ST8SIA5: variants seen among roughly 807,000 people sequenced by gnomAD.
The protein encoded by ST8SIA5 is ST8 alpha-N-acetyl-neuraminide alpha-2,8-sialyltransferase 5.
A neutral mutation model predicts 40.2 loss-of-function variants in ST8SIA5; 24 were observed. That is an observed-to-expected ratio of 0.60 (90% CI 0.43 to 0.84). The LOEUF is 0.84. ST8SIA5 is among the 40% of genes least tolerant of loss of function. The pLI, the probability that ST8SIA5 is intolerant of heterozygous loss-of-function variation, is 0.00. For synonymous variants in ST8SIA5, 198 were observed against 201.8 expected (o/e 0.98, Z 0.16); for missense variants, 465 against 498.5 (o/e 0.93, Z 0.64).
intron 3 of ST8SIA5, 25 bp downstream of exon 3, chr18:46,692,144 G>A (rs201676466): frequency 5.1e-5 from 83 of 1,611,852 alleles, no homozygotes; most frequent in Middle Eastern, 1.6e-4. Context: ...ACAAGGAGAA[G>A]GGAGGACAGA....
chr18:46,726,015 G>GATATAT (rs530130795), intron 1 of ST8SIA5, among the ~76,000 whole-genome samples: 1 of 31,114 alleles, frequency 3.2e-5, no homozygotes, highest in Non-Finnish European at 5.5e-5. Context: ...ATATATCCTG[G>GATATAT]ATATATATAT....
rs1489173100 is a variant in ST8SIA5 at position 46,679,320 on chromosome 18, ATG to A, written c.*720_*721del. 2 of 152,222 alleles carry A rather than the reference ATG, an allele frequency of 1.3e-5. No homozygotes were observed. Among genetic ancestry groups the A allele is most frequent in the African/African-American group, 4.8e-5 (2 of 41,404 alleles). The allele number at this position is 152,222 out of a possible 1,614,324, so 9.4% of individuals were successfully genotyped here. Reference sequence around the variant, plus strand: ...TTGAACCTGGGGGCACCAAGACCGCATGTGTGTCCGAGGATGTGTCTGAAAGG... The same window carrying A: ...TTGAACCTGGGGGCACCAAGACCGCATGTGTCCGAGGATGTGTCTGAAAGG... On this transcript the variant is annotated 3_prime_UTR_variant, in exon 7 of 7. Coordinates refer to ENST00000315087, the MANE Select transcript of ST8SIA5 (RefSeq NM_013305.6).
intron 1 of ST8SIA5, among the ~76,000 whole-genome samples, chr18:46,725,529 AATGGC>A (rs2039908555): frequency 6.8e-6 from 1 of 147,924 alleles, no homozygotes; most frequent in South Asian, 2.1e-4. Context: ...CTCATTATTA[AATGGC>A]ACGGGTGGGG....
In ST8SIA5 at chr18:46,669,797, C is replaced by A. The variant is rs1468175277; in HGVS notation, c.*10245G>T. Reference sequence around the variant, plus strand: ...GTTCAAAAGAGTGAGTTTGGCCGGGCACGGTGGCCCACACCTATAATCCCA... The same window carrying A: ...GTTCAAAAGAGTGAGTTTGGCCGGGAACGGTGGCCCACACCTATAATCCCA... On this transcript the variant is annotated 3_prime_UTR_variant, in exon 7 of 7. Transcript: ENST00000315087. 1 of 152,184 alleles carries A rather than the reference C, an allele frequency of 6.6e-6. No homozygotes were observed. The highest frequency in any genetic ancestry group is 1.5e-5 in the Non-Finnish European group (1 of 68,064). 9.4% of individuals were successfully genotyped at this position (152,184 alleles called of 1,614,324 possible).
chr18:46,724,899 CG>C, intron 1 of ST8SIA5, among the ~76,000 whole-genome samples: 1 of 151,764 alleles, frequency 6.6e-6, no homozygotes, highest in South Asian at 2.1e-4. Context: ...CACTTGAACC[CG>C]GGAGGCAGAG....
intron 1 of ST8SIA5, among the ~76,000 whole-genome samples, chr18:46,735,601 T>C (rs2040026223): frequency 6.6e-6 from 1 of 152,206 alleles, no homozygotes; most frequent in South Asian, 2.1e-4. Context: ...TCTGATATTG[T>C]ACTATATTGT....
chr18:46,725,953 T>A (rs1459028962), intron 1 of ST8SIA5, among the ~76,000 whole-genome samples: 1 of 61,136 alleles, frequency 1.6e-5, no homozygotes, highest in Non-Finnish European at 3.2e-5. Context: ...AAACCCCATC[T>A]CTACTTAAAA....
chr18:46,716,098 A>AGATAGATAGAT (rs1472173165), intron 1 of ST8SIA5, among the ~76,000 whole-genome samples: 1 of 124,880 alleles, frequency 8.0e-6, no homozygotes, highest in African/African-American at 3.5e-5. Flanking sequence ...ATAGATAGAT[A>AGATAGATAGAT]GATAGATAGA....
At chr18:46,737,695 T>C (rs2040048354) in intron 1 of ST8SIA5, among the ~76,000 whole-genome samples, 1 of 152,226 alleles carries the variant, frequency 6.6e-6, no homozygotes. Flanking sequence ...ATGGAGAGGA[T>C]TAAATGAAAT....
intron 1 of ST8SIA5, among the ~76,000 whole-genome samples, chr18:46,736,367 C>A (rs543102033): frequency 6.6e-6 from 1 of 152,234 alleles, no homozygotes; most frequent in African/African-American, 2.4e-5. Flanking sequence ...TAAGAGGGGC[C>A]TGAGATTGGA....
In ST8SIA5 at chr18:46,686,806, C is replaced by T. The variant is rs964971154; in HGVS notation, c.457-520G>A. ...GTAAACTGCACTATTAGACTTGTAC[C>T]AGAGAAAGGCAAAAAAAAAAAAAAA... On this transcript the variant is annotated intron_variant, in intron 4 of 6. Transcript: ENST00000315087. Among the ~76,000 whole-genome samples the T allele has an allele frequency of 1.1e-4, 12 of 111,918 alleles. 1 individual carries two copies. In the Admixed American group the frequency reaches 1.1e-3, roughly 10 times the overall value. 73.4% of individuals were successfully genotyped at this position (111,918 alleles called of 152,430 possible). A position where few individuals can be genotyped will look rare whatever the true frequency, so the allele number is the denominator to read the frequency against.
At chr18:46,749,321 A>T (rs117556392) in intron 1 of ST8SIA5, among the ~76,000 whole-genome samples, 1,707 of 152,322 alleles carry the variant, frequency 0.011, 20 homozygotes, top group South Asian at 0.025. Context: ...GTATGAATAT[A>T]TTAAAAGCCA....
chr18:46,703,896 A>G (rs2039643141), intron 2 of ST8SIA5, among the ~76,000 whole-genome samples: 1 of 152,234 alleles, frequency 6.6e-6, no homozygotes. Flanking sequence ...TTCAGCATTT[A>G]ATGTGCTTTC....
At chr18:46,747,935 G>A (rs1399269921) in intron 1 of ST8SIA5, among the ~76,000 whole-genome samples, 1 of 152,180 alleles carries the variant, frequency 6.6e-6, no homozygotes, top group Non-Finnish European at 1.5e-5. Context: ...CGTGGATGAA[G>A]CTGGAAACCA....
intron 6 of ST8SIA5, 71 bp downstream of exon 6, chr18:46,681,901 G>A: frequency 1.3e-6 from 2 of 1,502,786 alleles, no homozygotes; most frequent in South Asian, 2.4e-5. Flanking sequence ...AACACTTCCA[G>A]TGCCCAGTAG....
At chr18:46,721,381 C>T (rs1350706568) in intron 1 of ST8SIA5, 13 of 1,536,022 alleles carry the variant, frequency 8.5e-6, no homozygotes, top group Middle Eastern at 1.7e-4. Context: ...GAGTCACTGC[C>T]GCTCTGCACT....
chr18:46,722,167 G>A (rs1184718010), intron 1 of ST8SIA5, among the ~76,000 whole-genome samples: 1 of 152,182 alleles, frequency 6.6e-6, no homozygotes, highest in Non-Finnish European at 1.5e-5. Context: ...AGGTCCCCAG[G>A]GCCAGCGAAG....
chr18:46,750,054 C>T (rs2144572816), intron 1 of ST8SIA5, among the ~76,000 whole-genome samples: 1 of 152,310 alleles, frequency 6.6e-6, no homozygotes, highest in African/African-American at 2.4e-5. Context: ...GTTGCTTAAG[C>T]TACCAAATCT....
chr18:46,689,050 C>G, intron 3 of ST8SIA5, 131 bp from the exon 4 acceptor site: 1 of 1,160,632 alleles, frequency 8.6e-7, no homozygotes. Flanking sequence ...CGCTTGCCCC[C>G]ACCCTGCATG....
Sources: gnomAD v4.1 joint callset for allele counts (sites outside exome capture counted in the v4.1 genomes callset) on GRCh38, gnomAD v4.1.1 for gene constraint, MANE v1.5 for transcripts, NCBI Gene and HGNC (gene_info 2026-07-23, HGNC 2026-07-21) for gene names.